Variants in FRMD5 observed in about 807,000 individuals in gnomAD.
The protein encoded by FRMD5 is FERM domain containing 5, also known as FERM domain-containing protein 5.
Under a neutral mutation model 69.0 loss-of-function variants are expected in FRMD5, and 20 were observed. The observed-to-expected ratio is 0.29, with a 90% CI of 0.20 to 0.42. The LOEUF (loss-of-function observed/expected upper bound fraction) is 0.42. Ranked by LOEUF, FRMD5 falls within the 10% of genes least tolerant of loss-of-function variation. FRMD5 has a pLI of 1.00. For missense variants in FRMD5, 595 were observed against 708.6 expected (o/e 0.84, Z 1.82); for synonymous variants, 271 against 260.1 (o/e 1.04, Z -0.40).
At chr15:44,197,756 G>C (rs959536956), upstream of FRMD5, among the ~76,000 whole-genome samples, 3 of 151,188 alleles carry the variant, frequency 2.0e-5, no homozygotes, top group Admixed American at 6.6e-5. Context: ...AAAAGTTACT[G>C]TTTGTTATAG....
In FRMD5 at chr15:44,063,755, C is replaced by T; in HGVS notation, c.102+131198G>A. 6.3e-6 allele frequency: 2 copies of T among 319,792 alleles called. 1 individual carries two copies. Among genetic ancestry groups the T allele is most frequent in the South Asian group, 5.7e-5 (2 of 35,086 alleles). 19.8% of individuals were successfully genotyped at this position (319,792 alleles called of 1,614,324 possible). Reference sequence around the variant, plus strand: ...ATCATCATCTTCCAAGAGAGAGATCCCACCAAAATCAAATGGGGTGATGCT... The same window carrying T: ...ATCATCATCTTCCAAGAGAGAGATCTCACCAAAATCAAATGGGGTGATGCT... On this transcript the variant is annotated intron_variant, in intron 1 of 13. Transcript: ENST00000417257.
intron 1 of FRMD5, among the ~76,000 whole-genome samples, chr15:44,052,117 A>G (rs1397171975): frequency 6.6e-6 from 1 of 152,078 alleles, no homozygotes; most frequent in East Asian, 1.9e-4. Context: ...ATTTTTCTTC[A>G]TGGGAGATTT....
At chr15:44,114,723 T>C (rs1396893731) in intron 1 of FRMD5, among the ~76,000 whole-genome samples, 1 of 152,232 alleles carries the variant, frequency 6.6e-6, no homozygotes, top group Admixed American at 6.5e-5. Flanking sequence ...CTGATAATTG[T>C]AGTACCCTTA....
intron 1 of FRMD5, among the ~76,000 whole-genome samples, chr15:43,965,901 C>A (rs2090287747): frequency 6.6e-6 from 1 of 151,840 alleles, no homozygotes; most frequent in African/African-American, 2.4e-5. Flanking sequence ...TTTTTAAGAT[C>A]CAAAGAAGCA....
intron 1 of FRMD5, among the ~76,000 whole-genome samples, chr15:44,170,891 A>AT (rs2077790719): frequency 6.6e-6 from 1 of 152,202 alleles, no homozygotes; most frequent in Non-Finnish European, 1.5e-5. Flanking sequence ...CTTACTATCG[A>AT]TTTTTACAGT....
intron 1 of FRMD5, among the ~76,000 whole-genome samples, chr15:44,181,162 C>A (rs2077993919): frequency 6.6e-6 from 1 of 152,058 alleles, no homozygotes; most frequent in Non-Finnish European, 1.5e-5. Flanking sequence ...ACCTTAGCCT[C>A]CCAAGTAGCT....
At chr15:44,023,236 C>A (rs989840488) in intron 1 of FRMD5, among the ~76,000 whole-genome samples, 1 of 152,110 alleles carries the variant, frequency 6.6e-6, no homozygotes, top group East Asian at 1.9e-4. Flanking sequence ...CTCCCATTTC[C>A]CCTCAATTTC....
At chr15:43,942,329 C>G (rs2089876663) in intron 1 of FRMD5, among the ~76,000 whole-genome samples, 1 of 152,206 alleles carries the variant, frequency 6.6e-6, no homozygotes, top group Non-Finnish European at 1.5e-5. Flanking sequence ...TGCCCCCTCC[C>G]TCTCCTAGAG....
At chr15:43,966,323 G>C (rs990717292) in intron 1 of FRMD5, among the ~76,000 whole-genome samples, 5 of 152,106 alleles carry the variant, frequency 3.3e-5, no homozygotes, top group Non-Finnish European at 5.9e-5. Context: ...AGTGAGAGGA[G>C]ATCTCATGCC....
chr15:43,916,668 A>G (rs984709561), intron 4 of FRMD5, among the ~76,000 whole-genome samples: 9 of 152,168 alleles, frequency 5.9e-5, no homozygotes, highest in African/African-American at 1.9e-4. Flanking sequence ...TTGGCTGTAT[A>G]CAGCCAACAA....
chr15:44,137,034 A>C (rs1181426479), intron 1 of FRMD5, among the ~76,000 whole-genome samples: 1 of 152,230 alleles, frequency 6.6e-6, no homozygotes, highest in Non-Finnish European at 1.5e-5. Flanking sequence ...ACAGGATCAG[A>C]TTTAATATTT....
chr15:44,001,232 T>TG (rs1304199347), intron 1 of FRMD5, among the ~76,000 whole-genome samples: 29 of 152,242 alleles, frequency 1.9e-4, no homozygotes, highest in African/African-American at 5.3e-4. Flanking sequence ...TCAGCTCCTA[T>TG]GCCCATTTTT....
intron 10 of FRMD5, among the ~76,000 whole-genome samples, chr15:43,887,765 G>T (rs774600407): frequency 2.6e-4 from 40 of 152,166 alleles, no homozygotes; most frequent in African/African-American, 6.8e-4. Context: ...TGAGAGCAGG[G>T]CTCACCCCAG....
At position 43,989,695 on chromosome 15, in the gene FRMD5, C is replaced by T. The variant is rs565218120; in HGVS notation, c.103-65386G>A. 6.7e-5 allele frequency: 67 copies of T among 998,920 alleles called. No individual in the cohort carries two copies. In the African/African-American group the frequency reaches 1.0e-3, roughly 15 times the overall value. The allele number at this position is 998,920 out of a possible 1,614,324, so 61.9% of individuals were successfully genotyped here. ...GGAGGGCATACTCTTCATAGATGGG[C>T]ACAGTGTGGGTGACCCCGTCATCGT... On this transcript the variant is annotated intron_variant, in intron 1 of 13. Transcript: ENST00000417257.
At chr15:44,080,426 T>A (rs1360635266) in intron 1 of FRMD5, among the ~76,000 whole-genome samples, 1 of 152,082 alleles carries the variant, frequency 6.6e-6, no homozygotes, top group African/African-American at 2.4e-5. Context: ...ACACTCCATT[T>A]TTGTATGTGT....
chr15:44,120,599 T>C (rs1382482093), intron 1 of FRMD5, among the ~76,000 whole-genome samples: 1 of 145,240 alleles, frequency 6.9e-6, no homozygotes, highest in Non-Finnish European at 1.5e-5. Flanking sequence ...AGGAGTGCAA[T>C]CTCGGCTCCG....
At chr15:44,031,668 G>T (rs1248013206) in intron 1 of FRMD5, among the ~76,000 whole-genome samples, 1 of 152,062 alleles carries the variant, frequency 6.6e-6, no homozygotes, top group Non-Finnish European at 1.5e-5. Flanking sequence ...TATGAATTTT[G>T]CAGGGTACAA....
chr15:44,177,238 G>C (rs1462780357), intron 1 of FRMD5, among the ~76,000 whole-genome samples: 3 of 152,068 alleles, frequency 2.0e-5, no homozygotes, highest in Non-Finnish European at 4.4e-5. Flanking sequence ...ATGTATTCAA[G>C]AGAAAGGAAA....
intron 1 of FRMD5, among the ~76,000 whole-genome samples, chr15:44,099,493 CTG>C (rs1300918059): frequency 7.2e-5 from 11 of 152,004 alleles, no homozygotes; most frequent in East Asian, 5.8e-4. Flanking sequence ...AAAAAGGAGA[CTG>C]TTAAAACTGA....
Sources: allele counts gnomAD v4.1 joint callset (sites outside exome capture counted in the v4.1 genomes callset), GRCh38; gene constraint gnomAD v4.1.1; transcripts MANE v1.5; gene names NCBI Gene and HGNC (gene_info 2026-07-23, HGNC 2026-07-21).